CDH18: variants seen among roughly 807,000 people sequenced by gnomAD.
CDH18 encodes cadherin 18.
Under a neutral mutation model 67.9 loss-of-function variants are expected in CDH18, and 31 were observed. The observed-to-expected ratio is 0.46, with a 90% CI of 0.34 to 0.62. The LOEUF is 0.62. Among genes scored for constraint, CDH18 ranks in the 20% least tolerant of loss-of-function variants. The probability of loss-of-function intolerance (pLI) is 0.01; values close to 1 mark genes in which losing one functional copy is unlikely to be tolerated. For synonymous variants in CDH18, 362 were observed against 347.2 expected (o/e 1.04, Z -0.48); for missense variants, 890 against 975.5 (o/e 0.91, Z 1.17).
At chr5:20,534,829 G>GTATGTATT (rs1554015669) in intron 1 of CDH18, among the ~76,000 whole-genome samples, 4 of 148,106 alleles carry the variant, frequency 2.7e-5, no homozygotes, top group African/African-American at 9.9e-5. Flanking sequence ...CTAAATACAT[G>GTATGTATT]TATTTATTTA....
intron 5 of CDH18, among the ~76,000 whole-genome samples, chr5:19,706,447 T>A (rs2150505753): frequency 6.6e-6 from 1 of 152,344 alleles, no homozygotes; most frequent in Non-Finnish European, 1.5e-5. Flanking sequence ...ACTTGCCACA[T>A]GGTGCATTCC....
At chr5:20,256,822 T>G (rs981173739) in intron 1 of CDH18, among the ~76,000 whole-genome samples, 1 of 151,962 alleles carries the variant, frequency 6.6e-6, no homozygotes, top group Admixed American at 6.6e-5. Flanking sequence ...GACTGAGTCC[T>G]TTAAAGTCAG....
chr5:20,304,408 T>C, intron 1 of CDH18: 1 of 1,415,708 alleles, frequency 7.1e-7, no homozygotes, highest in South Asian at 1.2e-5. Context: ...CTTCAGTAAC[T>C]ACTACTTTGG....
chr5:19,726,365 C>G (rs904301088), intron 4 of CDH18, among the ~76,000 whole-genome samples: 24 of 152,178 alleles, frequency 1.6e-4, no homozygotes, highest in African/African-American at 5.8e-4. Flanking sequence ...AAGTCTCACA[C>G]AATTGTCTTT....
chr5:20,013,097 C>A (rs1344422006), intron 2 of CDH18, among the ~76,000 whole-genome samples: 4 of 152,006 alleles, frequency 2.6e-5, no homozygotes, highest in African/African-American at 9.7e-5. Context: ...AGTTTCTTAA[C>A]TGGTTTCTTC....
intron 5 of CDH18, among the ~76,000 whole-genome samples, chr5:19,662,317 C>T (rs530351649): frequency 4.3e-4 from 65 of 151,872 alleles, no homozygotes; most frequent in African/African-American, 1.4e-3. Context: ...GTTCTTCATA[C>T]GAATAGGGGT....
At position 19,537,299 on chromosome 5, in the gene CDH18, G is replaced by A. The variant is rs1749570794; in HGVS notation, c.1390+6570C>T. Reference sequence around the variant, plus strand: ...AGACTCAAAGTGGGATACAGAGTCTGCAGATTTGGGATGTGATAGCTTCCA... The same window carrying A: ...AGACTCAAAGTGGGATACAGAGTCTACAGATTTGGGATGTGATAGCTTCCA... On this transcript the variant is annotated intron_variant, in intron 9 of 12. Coordinates refer to ENST00000382275, the MANE Select transcript of CDH18 (RefSeq NM_004934.5). Among the ~76,000 whole-genome samples the A allele has an allele frequency of 2.0e-5, 3 of 152,216 alleles. No individual in the cohort carries two copies. The South Asian group carries it at 6.2e-4, about 32-fold the overall frequency.
chr5:19,955,017 C>A (rs1796130790), intron 2 of CDH18, among the ~76,000 whole-genome samples: 1 of 152,046 alleles, frequency 6.6e-6, no homozygotes, highest in Non-Finnish European at 1.5e-5. Flanking sequence ...ATAATTGAAA[C>A]ATGGAGGTGG....
intron 2 of CDH18, among the ~76,000 whole-genome samples, chr5:19,849,937 CAG>C (rs2149918932): frequency 6.6e-6 from 1 of 151,680 alleles, no homozygotes; most frequent in South Asian, 2.1e-4. Context: ...TCATTTGTCT[CAG>C]ATGAAATTTG....
chr5:20,282,893 G>A lies in CDH18; in HGVS notation c.-579-27388C>T, dbSNP rs368203066. ...TACCACAAAGCCATAGTAACAAAAA[G>A]AACATGATACTGGCATAAAAACAGA... On this transcript the variant is annotated intron_variant, in intron 1 of 14. Coordinates refer to the CDH18 transcript ENST00000507958. Among the ~76,000 whole-genome samples the A allele has an allele frequency of 3.9e-5, 6 of 152,036 alleles. No individual in the cohort carries two copies. In the South Asian group the frequency reaches 1.2e-3, roughly 32 times the overall value.
chr5:19,629,720 T>C (rs915297821), intron 5 of CDH18, among the ~76,000 whole-genome samples: 7 of 152,192 alleles, frequency 4.6e-5, no homozygotes, highest in African/African-American at 1.7e-4. Context: ...ATTACTCCTT[T>C]AGGTTATCAA....
chr5:19,966,112 T>C (rs1214278572), intron 2 of CDH18, among the ~76,000 whole-genome samples: 2 of 152,188 alleles, frequency 1.3e-5, no homozygotes, highest in Admixed American at 6.5e-5. Context: ...TATAAAAAGA[T>C]AATTTGTTTA....
chr5:19,514,307 C>T (rs188631733), intron 10 of CDH18, among the ~76,000 whole-genome samples: 15 of 152,256 alleles, frequency 9.9e-5, no homozygotes, highest in African/African-American at 3.4e-4. Context: ...AATGAACATA[C>T]ATTTGCATGT....
chr5:19,796,679 T>C (rs1035854117), intron 3 of CDH18, among the ~76,000 whole-genome samples: 1 of 152,086 alleles, frequency 6.6e-6, no homozygotes, highest in African/African-American at 2.4e-5. Flanking sequence ...GGCTGTTCTT[T>C]CCTTCATGAG....
chr5:20,393,472 T>C (rs1745034096), intron 1 of CDH18, among the ~76,000 whole-genome samples: 1 of 151,998 alleles, frequency 6.6e-6, no homozygotes, highest in East Asian at 1.9e-4. Context: ...TGTCAACTCA[T>C]TTCAACTCAC....
At chr5:20,035,458 T>G (rs1010448005) in intron 2 of CDH18, among the ~76,000 whole-genome samples, 1 of 152,072 alleles carries the variant, frequency 6.6e-6, no homozygotes, top group African/African-American at 2.4e-5. Context: ...TAACTCATAC[T>G]TCTGCATGGC....
chr5:19,628,091 T>C (rs1374523470), intron 5 of CDH18, among the ~76,000 whole-genome samples: 4 of 152,168 alleles, frequency 2.6e-5, no homozygotes, highest in Non-Finnish European at 1.5e-5. Flanking sequence ...TGGTGGGAGA[T>C]ACTTGAATCA....
intron 7 of CDH18, among the ~76,000 whole-genome samples, chr5:19,573,810 C>A (rs915667376): frequency 2.6e-5 from 4 of 152,120 alleles, no homozygotes; most frequent in African/African-American, 9.7e-5. Context: ...AATCGTGCAT[C>A]CTGCTCATGG....
At chr5:20,363,297 C>T (rs1393725764) in intron 1 of CDH18, among the ~76,000 whole-genome samples, 2 of 151,882 alleles carry the variant, frequency 1.3e-5, no homozygotes, top group Admixed American at 1.3e-4. Flanking sequence ...CCAGCCTGGC[C>T]AACATGGTGA....
Sources: allele counts gnomAD v4.1 joint callset (sites outside exome capture counted in the v4.1 genomes callset), GRCh38; gene constraint gnomAD v4.1.1; transcripts MANE v1.5; gene names NCBI Gene and HGNC (gene_info 2026-07-23, HGNC 2026-07-21).